Variants in B3GALT1 observed in about 807,000 individuals in gnomAD.
B3GALT1 encodes the protein UDP-Gal:betaGlcNAc beta 1,3-galactosyltransferase, polypeptide 1.
B3GALT1 carries 10 observed loss-of-function variants against 23.2 expected under a neutral mutation model. That is an observed-to-expected ratio of 0.43 (90% CI 0.27 to 0.73). The LOEUF (loss-of-function observed/expected upper bound fraction) is 0.73. Ranked by LOEUF, B3GALT1 falls within the 30% of genes least tolerant of loss-of-function variation. B3GALT1 has a pLI of 0.21. For synonymous variants in B3GALT1, 156 were observed against 141.5 expected (o/e 1.10, Z -0.73); for missense variants, 299 against 405.4 (o/e 0.74, Z 2.25).
rs570506517 is a variant in B3GALT1 at position 167,728,653 on chromosome 2, A to G, written c.-352+81687A>G. On this transcript the variant is annotated intron_variant, in intron 3 of 4. Coordinates refer to ENST00000392690, the MANE Select transcript of B3GALT1 (RefSeq NM_020981.4). ...TTGTGAAATATTTCCCAGTTTCATG[A>G]ATGTTAAAAAGCAAACCTTATGTAT... Among the ~76,000 whole-genome samples, 4 of 152,328 alleles carry G rather than the reference A, an allele frequency of 2.6e-5. No homozygotes were observed. The East Asian group carries it at 7.7e-4, about 29-fold the overall frequency.
intron 3 of B3GALT1, among the ~76,000 whole-genome samples, chr2:167,666,292 T>G (rs1464446237): frequency 6.6e-6 from 1 of 152,254 alleles, no homozygotes; most frequent in African/African-American, 2.4e-5. Context: ...AGTTCTAGTT[T>G]GATTGCACTG....
chr2:167,804,214 T>A (rs1271125807), intron 3 of B3GALT1, among the ~76,000 whole-genome samples: 2 of 152,126 alleles, frequency 1.3e-5, no homozygotes, highest in African/African-American at 4.8e-5. Context: ...GGTCTCAAAC[T>A]CCTGACTTCA....
intron 1 of B3GALT1, among the ~76,000 whole-genome samples, chr2:167,432,604 G>A (rs1698722230): frequency 6.6e-6 from 1 of 152,170 alleles, no homozygotes; most frequent in Non-Finnish European, 1.5e-5. Context: ...AAATGAGGAA[G>A]CCTACAAAGA....
intron 2 of B3GALT1, among the ~76,000 whole-genome samples, chr2:167,585,963 G>C (rs1684577855): frequency 6.6e-6 from 1 of 152,222 alleles, no homozygotes; most frequent in Admixed American, 6.5e-5. Context: ...ACTGATCTAT[G>C]ATGAGAGGTC....
chr2:167,513,026 T>G (rs1700049786), intron 2 of B3GALT1, among the ~76,000 whole-genome samples: 1 of 146,692 alleles, frequency 6.8e-6, no homozygotes, highest in African/African-American at 2.5e-5. Context: ...ACAATTGCTG[T>G]TTGACAGAAT....
At chr2:167,752,629 G>A (rs1335626817) in intron 3 of B3GALT1, among the ~76,000 whole-genome samples, 1 of 124,384 alleles carries the variant, frequency 8.0e-6, no homozygotes, top group Non-Finnish European at 1.6e-5. Flanking sequence ...CACAGTTAGT[G>A]GCTTCTCTAG....
chr2:167,648,743 C>T (rs896538477), intron 3 of B3GALT1, among the ~76,000 whole-genome samples: 6 of 152,126 alleles, frequency 3.9e-5, no homozygotes, highest in Admixed American at 3.9e-4. Context: ...AACTCATCCT[C>T]TTTTATGGGA....
At chr2:167,602,998 G>A (rs1330428659) in intron 2 of B3GALT1, among the ~76,000 whole-genome samples, 1 of 152,056 alleles carries the variant, frequency 6.6e-6, no homozygotes, top group African/African-American at 2.4e-5. Flanking sequence ...CTCAATAATG[G>A]CAGGATCAAA....
At chr2:167,810,313 G>A (rs1688859690) in intron 3 of B3GALT1, among the ~76,000 whole-genome samples, 1 of 150,852 alleles carries the variant, frequency 6.6e-6, no homozygotes, top group African/African-American at 2.5e-5. Flanking sequence ...ACACTCTCCA[G>A]TGAGATGAAC....
intron 1 of B3GALT1, among the ~76,000 whole-genome samples, chr2:167,297,470 T>A (rs1366730443): frequency 6.6e-6 from 1 of 151,992 alleles, no homozygotes; most frequent in Non-Finnish European, 1.5e-5. Flanking sequence ...AGACTCATGA[T>A]CTGATCATCT....
intron 4 of B3GALT1, among the ~76,000 whole-genome samples, chr2:167,839,132 C>G (rs1280974064): frequency 6.6e-6 from 1 of 152,168 alleles, no homozygotes; most frequent in Non-Finnish European, 1.5e-5. Context: ...CAGGGATGCC[C>G]TCTCTCACCA....
In B3GALT1 at chr2:167,665,033, C is replaced by T. The variant is rs1253580393; in HGVS notation, c.-352+18067C>T. ...GAGTTGTGAGAGAGGGCATCCCTGTCTTGTGCCAGTTTTCAAAGGGAATGC... is the reference window on the plus strand; with the variant it reads ...GAGTTGTGAGAGAGGGCATCCCTGTTTTGTGCCAGTTTTCAAAGGGAATGC... On this transcript the variant is annotated intron_variant, in intron 3 of 4. Coordinates refer to ENST00000392690, the MANE Select transcript of B3GALT1 (RefSeq NM_020981.4). Among the ~76,000 whole-genome samples, 9 of 151,892 alleles carry T rather than the reference C, an allele frequency of 5.9e-5. No homozygotes were observed. The East Asian group carries it at 1.7e-3, about 29-fold the overall frequency.
chr2:167,700,628 T>A lies in B3GALT1; in HGVS notation c.-352+53662T>A, dbSNP rs186947995. 2.4e-3 allele frequency among the ~76,000 whole-genome samples: 359 copies of A among 152,304 alleles called. 3 individuals carry two copies. The highest frequency in any genetic ancestry group is 0.019 in the Admixed American group (289 of 15,302). On this transcript the variant is annotated intron_variant, in intron 3 of 4. Coordinates refer to ENST00000392690, the MANE Select transcript of B3GALT1 (RefSeq NM_020981.4). ...AATTAATGGAACACCCCTTTGCTGC[T>A]ATATCTCAAATAGTTTCAGAAAAGC...
chr2:167,756,278 T>C (rs1053861185), intron 3 of B3GALT1, among the ~76,000 whole-genome samples: 1 of 152,126 alleles, frequency 6.6e-6, no homozygotes, highest in African/African-American at 2.4e-5. Flanking sequence ...GTAGCCAATA[T>C]GAAGGCAATG....
At chr2:167,662,721 T>C (rs1686082677) in intron 3 of B3GALT1, among the ~76,000 whole-genome samples, 2 of 151,852 alleles carry the variant, frequency 1.3e-5, no homozygotes, top group South Asian at 4.2e-4. Context: ...CATACAATGG[T>C]CTGTAGGGCC....
intron 2 of B3GALT1, among the ~76,000 whole-genome samples, chr2:167,616,818 G>C (rs1685170082): frequency 6.6e-6 from 1 of 152,068 alleles, no homozygotes; most frequent in African/African-American, 2.4e-5. Context: ...TTTGAAATTA[G>C]GGTGTAATTC....
chr2:167,826,166 G>A (rs1368508183), intron 4 of B3GALT1, among the ~76,000 whole-genome samples: 1 of 152,128 alleles, frequency 6.6e-6, no homozygotes, highest in Admixed American at 6.5e-5. Flanking sequence ...GATGTGGGGT[G>A]AGCCTAGGTC....
chr2:167,418,306 A>G (rs776445786), intron 1 of B3GALT1, among the ~76,000 whole-genome samples: 2 of 152,136 alleles, frequency 1.3e-5, no homozygotes, highest in Non-Finnish European at 2.9e-5. Flanking sequence ...TTAGATATGC[A>G]TATAAGAGAC....
At chr2:167,558,578 C>T (rs944658279) in intron 2 of B3GALT1, among the ~76,000 whole-genome samples, 8 of 152,258 alleles carry the variant, frequency 5.3e-5, no homozygotes, top group Middle Eastern at 3.4e-3. Context: ...ACAGATGGCA[C>T]CTGGAAAATT....
Sources: allele counts gnomAD v4.1 joint callset (sites outside exome capture counted in the v4.1 genomes callset), GRCh38; gene constraint gnomAD v4.1.1; transcripts MANE v1.5; gene names NCBI Gene and HGNC (gene_info 2026-07-23, HGNC 2026-07-21).